Variants in FAT3 observed in about 807,000 individuals in gnomAD.
FAT3 encodes FAT atypical cadherin 3, also known as protocadherin Fat 3.
A neutral mutation model predicts 310.2 loss-of-function variants in FAT3; 95 were observed. That is an observed-to-expected ratio of 0.31 (90% CI 0.26 to 0.36). The LOEUF is 0.36. FAT3 is among the 10% of genes least tolerant of loss of function. FAT3 has a pLI of 1.00. For missense variants in FAT3, 5,408 were observed against 5,715.6 expected (o/e 0.95, Z 1.74); for synonymous variants, 2,314 against 2,192.9 (o/e 1.06, Z -1.54).
intron 3 of FAT3, among the ~76,000 whole-genome samples, chr11:92,663,393 A>C (rs140285292): frequency 1.3e-5 from 2 of 152,144 alleles, no homozygotes; most frequent in African/African-American, 4.8e-5. Context: ...GCTAACGGAG[A>C]TTACTAAGCA....
intron 2 of FAT3, among the ~76,000 whole-genome samples, chr11:92,524,185 T>G (rs139379173): frequency 6.6e-6 from 1 of 152,194 alleles, no homozygotes; most frequent in Non-Finnish European, 1.5e-5. Context: ...ACAGATAAAA[T>G]AATTTACCCT....
At chr11:92,249,498 T>G (rs775677615) in intron 1 of FAT3, among the ~76,000 whole-genome samples, 13 of 152,144 alleles carry the variant, frequency 8.5e-5, no homozygotes, top group Non-Finnish European at 1.9e-4. Flanking sequence ...CTGCTTTTCT[T>G]TCTTTTTCTC....
At chr11:92,421,206 T>C (rs1950526822) in intron 2 of FAT3, among the ~76,000 whole-genome samples, 1 of 152,226 alleles carries the variant, frequency 6.6e-6, no homozygotes, top group Admixed American at 6.5e-5. Flanking sequence ...TGACTATCAC[T>C]TGAATGTCAC....
chr11:92,303,799 A>C (rs1312391442), intron 1 of FAT3, among the ~76,000 whole-genome samples: 1 of 152,066 alleles, frequency 6.6e-6, no homozygotes, highest in Non-Finnish European at 1.5e-5. Context: ...TCGCCTCACC[A>C]CCTGATCATT....
At chr11:92,655,764 T>A (rs1418850189) in intron 3 of FAT3, among the ~76,000 whole-genome samples, 1 of 152,152 alleles carries the variant, frequency 6.6e-6, no homozygotes, top group Non-Finnish European at 1.5e-5. Context: ...GTTCCTTTAT[T>A]GCCGTCAATG....
intron 13 of FAT3, among the ~76,000 whole-genome samples, chr11:92,821,839 C>T (rs150210236): frequency 1.3e-5 from 2 of 152,260 alleles, no homozygotes; most frequent in Non-Finnish European, 1.5e-5. Flanking sequence ...TTACCTCCTA[C>T]CAGTGTTAGG....
rs1400078852 is a variant in FAT3, at chr11:92,764,942, A to G, written c.4048A>G (p.Ile1350Val). The G allele has an allele frequency of 6.2e-7, 1 of 1,613,872 alleles. No individual in the cohort carries two copies. The highest frequency in any genetic ancestry group is 8.5e-7 in the Non-Finnish European group (1 of 1,179,856). The change falls in exon 6 of 28, where the codon ATT becomes GTT. Residue 1350 changes from isoleucine (I) to valine (V), a missense_variant. Transcript: ENST00000525166. ...SSTARLHIEWIKKPPPSPIPL... is the reference protein window; with the variant it reads ...SSTARLHIEWVKKPPPSPIPL... ...CACGGCCCGCCTCCACATTGAATGG[A>G]TTAAGAAACCACCCCCTTCACCTAT...
chr11:92,400,433 GA>G (rs1949986957), intron 2 of FAT3: 1 of 152,068 alleles, frequency 6.6e-6, no homozygotes, highest in Non-Finnish European at 1.5e-5. Flanking sequence ...CTAATATTCA[GA>G]AGATAAGGTT....
At chr11:92,612,898 AGGGT>A (rs1321826723) in intron 3 of FAT3, among the ~76,000 whole-genome samples, 1 of 152,150 alleles carries the variant, frequency 6.6e-6, no homozygotes, top group Non-Finnish European at 1.5e-5. Flanking sequence ...CAAAGGCACA[AGGGT>A]GGGAAGATGT....
intron 4 of FAT3, among the ~76,000 whole-genome samples, chr11:92,699,202 G>A (rs1591622035): frequency 6.6e-6 from 1 of 152,166 alleles, no homozygotes. Flanking sequence ...AAATGCTTGG[G>A]AAGGGGTGGG....
chr11:92,278,556 A>G (rs1946338811), intron 1 of FAT3, among the ~76,000 whole-genome samples: 1 of 152,092 alleles, frequency 6.6e-6, no homozygotes, highest in African/African-American at 2.4e-5. Context: ...TGTGTAGACA[A>G]CTATTTAAAT....
chr11:92,462,341 T>C (rs1951657806), intron 2 of FAT3, among the ~76,000 whole-genome samples: 1 of 152,134 alleles, frequency 6.6e-6, no homozygotes, highest in Admixed American at 6.5e-5. Context: ...CCCTTGAGTA[T>C]GTCCTGGTAT....
At position 92,338,204 on chromosome 11, in the gene FAT3, G is replaced by A. The variant is rs183035489; in HGVS notation, c.-17-13892G>A. On this transcript the variant is annotated intron_variant, in intron 1 of 27. Coordinates refer to ENST00000525166, the MANE Select transcript of FAT3 (RefSeq NM_001367949.2). ...AAATTGCTGCTTTCCCCATTTCACA[G>A]TTTACATATGCTGTGTAAACTATTT... is the stretch of plus-strand genomic sequence containing the variant. 9.8e-4 allele frequency among the ~76,000 whole-genome samples: 149 copies of A among 152,266 alleles called. 1 individual carries two copies. The highest frequency in any genetic ancestry group is 2.7e-3 in the South Asian group (13 of 4,830).
intron 13 of FAT3, among the ~76,000 whole-genome samples, chr11:92,816,295 G>A (rs1376883111): frequency 2.6e-5 from 4 of 152,210 alleles, no homozygotes; most frequent in Admixed American, 6.5e-5. Flanking sequence ...AGGTCAGTGC[G>A]AGTCTATCTA....
intron 4 of FAT3, among the ~76,000 whole-genome samples, chr11:92,716,529 A>C (rs1016536524): frequency 6.6e-6 from 1 of 152,160 alleles, no homozygotes; most frequent in African/African-American, 2.4e-5. Flanking sequence ...TTTACAGAAA[A>C]TTTGCATATA....
At chr11:92,677,552 T>C (rs923946865) in intron 3 of FAT3, among the ~76,000 whole-genome samples, 1 of 152,194 alleles carries the variant, frequency 6.6e-6, no homozygotes, top group African/African-American at 2.4e-5. Context: ...TACCTGAGAA[T>C]AGGTAATTTA....
At chr11:92,632,981 C>T (rs1941611692) in intron 3 of FAT3, among the ~76,000 whole-genome samples, 1 of 152,158 alleles carries the variant, frequency 6.6e-6, no homozygotes, top group South Asian at 2.1e-4. Context: ...CACAGTTCTC[C>T]TTATTTTGTA....
chr11:92,583,537 G>T (rs765371448), intron 3 of FAT3, among the ~76,000 whole-genome samples: 1 of 151,944 alleles, frequency 6.6e-6, no homozygotes, highest in Non-Finnish European at 1.5e-5. Context: ...AAATGATGTG[G>T]TTTTTTGGCC....
rs11020030 is a variant in FAT3, at chr11:92,635,612, G to T, written c.3608-61772G>T. On this transcript the variant is annotated intron_variant, in intron 3 of 27. Transcript: ENST00000525166. ...ACTTTGAAGCACCTTCCAGCCATTT[G>T]TTCAACAGTTAAATTCCCCAGAATG... 2.5e-4 allele frequency among the ~76,000 whole-genome samples: 38 copies of T among 152,212 alleles called. No individual in the cohort carries two copies. The East Asian group carries it at 4.6e-3, about 19-fold the overall frequency.
Sources: gnomAD v4.1 joint callset for allele counts (sites outside exome capture counted in the v4.1 genomes callset) on GRCh38, gnomAD v4.1.1 for gene constraint, MANE v1.5 for transcripts, NCBI Gene and HGNC (gene_info 2026-07-23, HGNC 2026-07-21) for gene names.